CCDC175: variants seen among roughly 807,000 people sequenced by gnomAD.
The protein encoded by CCDC175 is coiled-coil domain containing 175.
A neutral mutation model predicts 114.6 loss-of-function variants in CCDC175; 100 were observed. That is an observed-to-expected ratio of 0.87 (90% confidence interval 0.74 to 1.03). CCDC175 has a LOEUF of 1.03. Among genes scored for constraint, CCDC175 ranks in the 50% least tolerant of loss-of-function variants. The pLI, the probability that CCDC175 is intolerant of heterozygous loss-of-function variation, is 0.00. For missense variants in CCDC175, 880 were observed against 917.8 expected (o/e 0.96, Z 0.53); for synonymous variants, 306 against 308.7 (o/e 0.99, Z 0.09).
chr14:59,554,119 T>G (rs1186222599), intron 7 of CCDC175, among the ~76,000 whole-genome samples: 2 of 152,196 alleles, frequency 1.3e-5, no homozygotes, highest in African/African-American at 4.8e-5. Flanking sequence ...GCCAACCTAA[T>G]AGACATCTAC....
chr14:59,569,095 T>C (rs1018506904), intron 3 of CCDC175, among the ~76,000 whole-genome samples: 1 of 152,234 alleles, frequency 6.6e-6, no homozygotes, highest in African/African-American at 2.4e-5. Flanking sequence ...CTTCAAAGGA[T>C]TATCTCAGTG....
rs557055848 is a variant in CCDC175 at position 59,574,950 on chromosome 14, T to C, written c.236A>G (p.Lys79Arg). 16 of 1,475,172 alleles carry C rather than the reference T, an allele frequency of 1.1e-5. No individual in the cohort carries two copies. The highest frequency in any genetic ancestry group is 1.5e-5 in the Non-Finnish European group (16 of 1,098,034). The allele number at this position is 1,475,172 out of a possible 1,614,324, so 91.4% of individuals were successfully genotyped here. ...TTATAGATAATACAATACCAATTTC[T>C]TAACAGCTACAGCAATGTCCTTAAG... The part of the protein sequence containing the change: ...IFLKDIAVAV[K>R]KLEEMRKATI... Residue 79 changes from lysine to arginine, a missense_variant, in exon 2 of 20, where the codon AAG (lysine) becomes AGG (arginine). Transcript: ENST00000537690.
At chr14:59,547,803 A>G (rs2140059504) in intron 8 of CCDC175, among the ~76,000 whole-genome samples, 1 of 152,358 alleles carries the variant, frequency 6.6e-6, no homozygotes, top group South Asian at 2.1e-4. Flanking sequence ...TTAACTAAAA[A>G]GATTGATAAA....
chr14:59,525,261 G>T (rs1893676259), intron 16 of CCDC175, 21 bp downstream of exon 16: 5 of 1,411,304 alleles, frequency 3.5e-6, no homozygotes, highest in Non-Finnish European at 4.6e-6. Context: ...ATCATGAAAA[G>T]GATGGTGCTC....
At chr14:59,518,042 AC>A (rs1435773361) in intron 17 of CCDC175, among the ~76,000 whole-genome samples, 2 of 152,222 alleles carry the variant, frequency 1.3e-5, no homozygotes, top group African/African-American at 4.8e-5. Context: ...CTGATCTTTG[AC>A]AAACCTGACA....
chr14:59,559,863 T>C (rs763716026), intron 7 of CCDC175, among the ~76,000 whole-genome samples: 1 of 151,992 alleles, frequency 6.6e-6, no homozygotes, highest in Non-Finnish European at 1.5e-5. Flanking sequence ...TTATAGATAA[T>C]GATAAATCAT....
rs531969481 is a variant in CCDC175, at chr14:59,533,812, C to T, written c.1624-1902G>A. Among the ~76,000 whole-genome samples, 3 of 151,872 alleles carry T rather than the reference C, an allele frequency of 2.0e-5. No individual in the cohort carries two copies. The East Asian group carries it at 5.8e-4, about 30-fold the overall frequency. ...GACTATCCTGGCTAACATGGTGAAA[C>T]CCCGTCTCTACTAAAAATACAAAAA... On this transcript the variant is annotated intron_variant, in intron 13 of 19. Coordinates refer to ENST00000537690, the MANE Select transcript of CCDC175 (RefSeq NM_001164399.2).
intron 1 of CCDC175, among the ~76,000 whole-genome samples, chr14:59,576,358 C>A (rs1469503274): frequency 3.3e-5 from 5 of 152,092 alleles, no homozygotes; most frequent in Admixed American, 1.3e-4. Context: ...CTTGGGAGTC[C>A]CGGATTTGTC....
chr14:59,509,073 T>C (rs992698709), intron 19 of CCDC175, among the ~76,000 whole-genome samples: 3 of 152,082 alleles, frequency 2.0e-5, no homozygotes, highest in African/African-American at 7.2e-5. Context: ...TCAAAATATA[T>C]GAAAAAGGAA....
chr14:59,505,192 T>A lies in CCDC175; in HGVS notation c.*47A>T, dbSNP rs1892260506. On this transcript the variant is annotated 3_prime_UTR_variant, in exon 20 of 20. Transcript: ENST00000537690. ...ATATGAAAGTAAGTGCACTCACTTTTCCTGTAGTAGTCTGTCTTTTGAATT... is the reference window on the plus strand; with the variant it reads ...ATATGAAAGTAAGTGCACTCACTTTACCTGTAGTAGTCTGTCTTTTGAATT... The A allele has an allele frequency of 9.8e-7, 1 of 1,016,240 alleles. No homozygotes were observed. Among genetic ancestry groups the A allele is most frequent in the Admixed American group, 2.8e-5 (1 of 36,022 alleles). 63.0% of individuals were successfully genotyped at this position (1,016,240 alleles called of 1,614,324 possible). A position where few individuals can be genotyped will look rare whatever the true frequency, so the allele number is the denominator to read the frequency against.
intron 8 of CCDC175, among the ~76,000 whole-genome samples, chr14:59,546,019 T>C (rs1895086083): frequency 6.6e-6 from 1 of 152,214 alleles, no homozygotes; most frequent in East Asian, 1.9e-4. Context: ...CCTGTGCTCA[T>C]GTTTATTGCT....
At chr14:59,516,618 G>A (rs1893102406) in intron 17 of CCDC175, among the ~76,000 whole-genome samples, 1 of 152,148 alleles carries the variant, frequency 6.6e-6, no homozygotes, top group African/African-American at 2.4e-5. Flanking sequence ...GACTAAACCA[G>A]GAAGAAGTTG....
rs1321810153 is a variant in CCDC175, at chr14:59,505,269, T to C, written c.2352A>G (p.Lys784=). The C allele has an allele frequency of 6.6e-7, 1 of 1,509,776 alleles. No individual in the cohort carries two copies. Among genetic ancestry groups the C allele is most frequent in the Non-Finnish European group, 8.9e-7 (1 of 1,128,216 alleles). The allele number at this position is 1,509,776 out of a possible 1,614,324, so 93.5% of individuals were successfully genotyped here. A position where few individuals can be genotyped will look rare whatever the true frequency, so the allele number is the denominator to read the frequency against. Residue 784 remains lysine, a synonymous_variant, in exon 20 of 20, where the codon AAA becomes AAG. Coordinates refer to ENST00000537690, the MANE Select transcript of CCDC175 (RefSeq NM_001164399.2). The stretch of plus-strand genomic sequence containing the variant: ...TTGTTAATGTATTTTTCTCAGTACA[T>C]TTAACCACTGGGAAATGAACCCTTG... ...IRTRVHFPVV[K]CTEKNTLTK is the part of the protein sequence containing the mutation.
At chr14:59,527,405 G>A (rs1462689952) in intron 14 of CCDC175, among the ~76,000 whole-genome samples, 1 of 151,962 alleles carries the variant, frequency 6.6e-6, no homozygotes, top group Non-Finnish European at 1.5e-5. Flanking sequence ...TTAAAAATAT[G>A]CATATATGCC....
At position 59,543,399 on chromosome 14, in the gene CCDC175, TC is replaced by T; in HGVS notation, c.1227del (p.Arg410GlufsTer2). On this transcript the variant is annotated frameshift_variant, in exon 10 of 20. Coordinates refer to ENST00000537690, the MANE Select transcript of CCDC175 (RefSeq NM_001164399.2). LOFTEE classifies it high-confidence loss of function. ...TCTTCCATATTTTTGATGTCTACTCTCTTTTGTGACAGAAAGTATTCTTTCT... is the reference window on the plus strand; with the variant it reads ...TCTTCCATATTTTTGATGTCTACTCTTTTTGTGACAGAAAGTATTCTTTCT... ...ISQKEYFLSQ[K>X]RVDIKNMEEG... 1 of 1,483,930 alleles carries T rather than the reference TC, an allele frequency of 6.7e-7. No individual in the cohort carries two copies. The highest frequency in any genetic ancestry group is 9.0e-7 in the Non-Finnish European group (1 of 1,114,428). The allele number at this position is 1,483,930 out of a possible 1,614,324, so 91.9% of individuals were successfully genotyped here. A position where few individuals can be genotyped will look rare whatever the true frequency, so the allele number is the denominator to read the frequency against.
chr14:59,540,821 T>C, intron 10 of CCDC175, 75 bp from the exon 11 acceptor site: 6 of 1,228,904 alleles, frequency 4.9e-6, no homozygotes, highest in East Asian at 2.5e-5. Flanking sequence ...TACGCATAAT[T>C]TGTATGCTCA....
intron 17 of CCDC175, among the ~76,000 whole-genome samples, chr14:59,514,621 G>C (rs1175590166): frequency 2.6e-5 from 4 of 152,200 alleles, no homozygotes; most frequent in African/African-American, 2.4e-5. Context: ...AGAGAAAAAA[G>C]AATAAAAAGA....
intron 13 of CCDC175, among the ~76,000 whole-genome samples, chr14:59,534,403 A>G (rs1387094840): frequency 6.6e-6 from 1 of 152,238 alleles, no homozygotes; most frequent in Non-Finnish European, 1.5e-5. Context: ...AGACCAATGC[A>G]GATTCCAGTC....
chr14:59,535,980 A>G (rs899145734), intron 13 of CCDC175, among the ~76,000 whole-genome samples: 3 of 152,250 alleles, frequency 2.0e-5, no homozygotes, highest in Non-Finnish European at 4.4e-5. Flanking sequence ...TGCCCAAGGC[A>G]GTCCTCTTCT....
Sources: gnomAD v4.1 joint callset for allele counts (sites outside exome capture counted in the v4.1 genomes callset) on GRCh38, gnomAD v4.1.1 for gene constraint, MANE v1.5 for transcripts, NCBI Gene and HGNC (gene_info 2026-07-23, HGNC 2026-07-21) for gene names.